Variants in ABCA13 observed in about 807,000 individuals in gnomAD.
ABCA13 encodes ATP binding cassette subfamily A member 13, also known as ATP-binding cassette sub-family A member 13.
Under a neutral mutation model 478.7 loss-of-function variants are expected in ABCA13, and 476 were observed. That is an observed-to-expected ratio of 0.99 (90% CI 0.92 to 1.07). The LOEUF is 1.07. ABCA13 is among the 50% of genes least tolerant of loss of function. ABCA13 has a pLI of 0.00. For missense variants in ABCA13, 6,060 were observed against 5,910.6 expected, an observed-to-expected ratio of 1.03 and a Z score of -0.83; for synonymous variants, 2,252 against 2,158.9, an observed-to-expected ratio of 1.04 and a Z score of -1.20.
At chr7:48,388,917 T>A (rs1178710293) in intron 36 of ABCA13, 123 bp from the exon 37 acceptor site, 3 of 1,123,410 alleles carry the variant, frequency 2.7e-6, no homozygotes, top group Non-Finnish European at 3.8e-6. Flanking sequence ...GATTTTTGAG[T>A]TGATTTGTGT....
chr7:48,272,239 A>G lies in ABCA13; in HGVS notation c.2573A>G (p.Asn858Ser). 1 of 1,612,214 alleles carries G rather than the reference A, an allele frequency of 6.2e-7. No homozygotes were observed. Among genetic ancestry groups the G allele is most frequent in the Non-Finnish European group, 8.5e-7 (1 of 1,179,378 alleles). Reference sequence around the variant, plus strand: ...TTGGAAAACTTCTTTACACTTTTAAATTTTTCTGTTCCAGAAAATGAGATT... The same window carrying G: ...TTGGAAAACTTCTTTACACTTTTAAGTTTTTCTGTTCCAGAAAATGAGATT... ...AKLENFFTLLNFSVPENEILS... is the reference protein window; with the variant it reads ...AKLENFFTLLSFSVPENEILS... The change falls in exon 17 of 62, where the codon AAT becomes AGT. Residue 858 changes from asparagine (N) to serine (S), a missense_variant. By Grantham distance (46) the Asn-to-Ser change is conservative. Transcript: ENST00000435803.
intron 56 of ABCA13, among the ~76,000 whole-genome samples, chr7:48,582,422 C>G (rs1380694225): frequency 2.0e-5 from 3 of 152,312 alleles, no homozygotes; most frequent in African/African-American, 7.2e-5. Flanking sequence ...TTCCATTGGT[C>G]TGGAGTTGGA....
chr7:48,307,691 AT>A (rs1801111348), intron 23 of ABCA13, among the ~76,000 whole-genome samples: 1 of 151,952 alleles, frequency 6.6e-6, no homozygotes, highest in South Asian at 2.1e-4. Flanking sequence ...TTATTTATTT[AT>A]TTTTTTAAGA....
intron 1 of ABCA13, among the ~76,000 whole-genome samples, chr7:48,172,318 T>A (rs1794189526): frequency 6.6e-6 from 1 of 152,218 alleles, no homozygotes; most frequent in Non-Finnish European, 1.5e-5. Flanking sequence ...CTATGGGAAT[T>A]TTCTGCTGAC....
At chr7:48,415,802 T>C (rs1296509879) in intron 41 of ABCA13, among the ~76,000 whole-genome samples, 1 of 152,252 alleles carries the variant, frequency 6.6e-6, no homozygotes, top group Non-Finnish European at 1.5e-5. Flanking sequence ...ATTGTTTTGT[T>C]AATTATTGTG....
Position 48,279,016 on chromosome 7 carries a change from A to G in ABCA13, c.7822A>G (p.Ile2608Val), listed in dbSNP as rs186526946. 3,256 of 1,613,360 alleles carry G rather than the reference A, an allele frequency of 2.0e-3. 73 individuals carry two copies. In the Admixed American group the frequency reaches 0.04, roughly 20 times the overall value. ...TGAAATGATTGGGGTAGAACCTTAT[A>G]TATCATCAAACTCTGATATTTTCAG... The part of the protein sequence containing the change: ...AFEMIGVEPY[I>V]SSNSDIFSMS... The change falls in exon 18 of 62, where the codon ATA (isoleucine) becomes GTA (valine). Residue 2608 changes from isoleucine to valine, a missense_variant. This residue lies in a region of ABCA13 where 4,423 missense variants were observed against 4,309.1 expected (regional missense o/e 1.03). Transcript: ENST00000435803.
At chr7:48,448,689 T>C (rs775785991) in intron 42 of ABCA13, among the ~76,000 whole-genome samples, 13 of 152,192 alleles carry the variant, frequency 8.5e-5, no homozygotes, top group Non-Finnish European at 1.6e-4. Context: ...AGTATGGTTG[T>C]TATAAGAAAT....
At chr7:48,297,373 A>G in intron 22 of ABCA13, 62 bp downstream of exon 22, 1 of 1,404,824 alleles carries the variant, frequency 7.1e-7, no homozygotes, top group East Asian at 2.5e-5. Context: ...TCATGCAAAT[A>G]TATTATTAAA....
chr7:48,263,956 C>T (rs1262530502), intron 15 of ABCA13, among the ~76,000 whole-genome samples: 4 of 151,932 alleles, frequency 2.6e-5, no homozygotes, highest in South Asian at 4.1e-4. Context: ...ATTCCGGCTT[C>T]CTGCCCTGTC....
intron 31 of ABCA13, among the ~76,000 whole-genome samples, chr7:48,362,223 T>C (rs978522772): frequency 2.0e-5 from 3 of 152,028 alleles, no homozygotes; most frequent in Non-Finnish European, 4.4e-5. Flanking sequence ...TATACTCCCT[T>C]ATTACTTGGT....
At chr7:48,639,035 T>G (rs965022110) in intron 59 of ABCA13, among the ~76,000 whole-genome samples, 3 of 152,190 alleles carry the variant, frequency 2.0e-5, no homozygotes, top group African/African-American at 7.2e-5. Context: ...GAGGCAGAGA[T>G]AGCAGCATCA....
At chr7:48,631,506 G>C (rs954242784) in intron 59 of ABCA13, among the ~76,000 whole-genome samples, 1 of 151,894 alleles carries the variant, frequency 6.6e-6, no homozygotes, top group African/African-American at 2.4e-5. Flanking sequence ...TTTTCCATTG[G>C]TCTATGTGTC....
intron 15 of ABCA13, among the ~76,000 whole-genome samples, chr7:48,267,388 C>G (rs1795007335): frequency 6.6e-6 from 1 of 152,054 alleles, no homozygotes; most frequent in African/African-American, 2.4e-5. Flanking sequence ...TTGATTGATA[C>G]TTTTATCATC....
At chr7:48,309,164 C>T (rs980857162) in intron 23 of ABCA13, among the ~76,000 whole-genome samples, 3 of 151,516 alleles carry the variant, frequency 2.0e-5, no homozygotes, top group East Asian at 1.9e-4. Flanking sequence ...TTGAGTTCTC[C>T]GTGCTCTTCT....
chr7:48,451,515 T>C (rs1044569506), intron 42 of ABCA13, among the ~76,000 whole-genome samples: 1 of 152,204 alleles, frequency 6.6e-6, no homozygotes, highest in Non-Finnish European at 1.5e-5. Context: ...TAATCTTTAC[T>C]ATATTGATTA....
intron 38 of ABCA13, among the ~76,000 whole-genome samples, chr7:48,400,765 G>A (rs962731573): frequency 6.6e-6 from 1 of 152,198 alleles, no homozygotes; most frequent in African/African-American, 2.4e-5. Flanking sequence ...GCTGACCCTG[G>A]CCAATGCCTC....
At chr7:48,309,372 GC>G (rs988223906) in intron 23 of ABCA13, among the ~76,000 whole-genome samples, 1 of 152,098 alleles carries the variant, frequency 6.6e-6, no homozygotes, top group African/African-American at 2.4e-5. Flanking sequence ...GTGTGTCAAA[GC>G]CTTTAATTGC....
At chr7:48,562,266 A>G (rs778351944) in intron 55 of ABCA13, among the ~76,000 whole-genome samples, 13 of 151,684 alleles carry the variant, frequency 8.6e-5, no homozygotes, top group Non-Finnish European at 1.9e-4. Flanking sequence ...GACACCTTCT[A>G]ATGTTATTAT....
At chr7:48,640,779 A>G (rs1317733152) in intron 59 of ABCA13, among the ~76,000 whole-genome samples, 1 of 152,184 alleles carries the variant, frequency 6.6e-6, no homozygotes, top group Non-Finnish European at 1.5e-5. Context: ...TTACATCATA[A>G]TGAATTTAAT....
Sources: allele counts gnomAD v4.1 joint callset (sites outside exome capture counted in the v4.1 genomes callset), GRCh38; gene constraint gnomAD v4.1.1; regional missense constraint gnomAD v4.1.1; transcripts MANE v1.5; gene names NCBI Gene and HGNC (gene_info 2026-07-23, HGNC 2026-07-21).